Variants in CUL5 observed in about 807,000 individuals in gnomAD.
CUL5 encodes cullin 5, also known as cullin-5.
In CUL5, 26 loss-of-function variants were observed where a neutral mutation model predicts 108.8. The ratio of observed to expected loss-of-function variants is 0.24; its 90% CI spans 0.18 to 0.33. The LOEUF (loss-of-function observed/expected upper bound fraction) is 0.33. Among genes scored for constraint, CUL5 ranks in the 10% least tolerant of loss-of-function variants. CUL5 has a pLI of 1.00. For synonymous variants in CUL5, 334 were observed against 298.0 expected, an observed-to-expected ratio of 1.12 and a Z score of -1.25; for missense variants, 524 against 909.2, an observed-to-expected ratio of 0.58 and a Z score of 5.45.
intron 1 of CUL5, among the ~76,000 whole-genome samples, chr11:108,033,359 C>G (rs943400480): frequency 6.6e-6 from 1 of 152,102 alleles, no homozygotes; most frequent in African/African-American, 2.4e-5. Context: ...CCCCTGTGAC[C>G]CCAAACCCGT....
At position 108,094,918 on chromosome 11, in the gene CUL5, A is replaced by C. The variant is rs763820552; in HGVS notation, c.1674A>C (p.Val558=). The change falls in exon 15 of 19, where the codon GTA becomes GTC. Residue 558 remains valine, a synonymous_variant. Coordinates refer to ENST00000393094, the MANE Select transcript of CUL5 (RefSeq NM_003478.6). ...PTELEDLIPE[V]EEFYKKNHSG... ...AACTGGAGGACTTGATACCGGAAGT[A>C]GAAGAATTCTACAAAAAAAATCATA... is the stretch of plus-strand genomic sequence containing the variant. The C allele has an allele frequency of 2.1e-5, 34 of 1,613,432 alleles. No individual in the cohort carries two copies. The South Asian group carries it at 3.5e-4, about 17-fold the overall frequency.
At chr11:108,095,348 A>G (rs762795950) in intron 15 of CUL5, among the ~76,000 whole-genome samples, 182 bp from the exon 16 acceptor site, 1 of 152,202 alleles carries the variant, frequency 6.6e-6, no homozygotes, top group African/African-American at 2.4e-5. Context: ...ATTTTGTTAC[A>G]TGGAAAGCTG....
chr11:108,092,532 T>C (rs1350912542), intron 13 of CUL5, among the ~76,000 whole-genome samples: 1 of 152,196 alleles, frequency 6.6e-6, no homozygotes, highest in Non-Finnish European at 1.5e-5. Context: ...AATAAACTAA[T>C]AATACATGCT....
intron 1 of CUL5, among the ~76,000 whole-genome samples, chr11:108,021,502 A>G (rs1325530852): frequency 1.3e-5 from 2 of 152,076 alleles, no homozygotes. Context: ...TTCATTTTTT[A>G]GAGACAGGGT....
intron 4 of CUL5, among the ~76,000 whole-genome samples, chr11:108,051,695 A>G (rs1207053142): frequency 6.6e-6 from 1 of 152,186 alleles, no homozygotes; most frequent in Admixed American, 6.5e-5. Flanking sequence ...ACCTTTTATA[A>G]GGTCCAGTAT....
In CUL5 at chr11:108,078,159, C is replaced by G; in HGVS notation, c.1114-17C>G. On this transcript the variant is annotated splice_polypyrimidine_tract_variant and intron_variant, in intron 10 of 18. Coordinates refer to ENST00000393094, the MANE Select transcript of CUL5 (RefSeq NM_003478.6). ...TTTCAATATTAAAAATATTTTATTC[C>G]AAATTATTTTTTGCAGGCGTATAAA... 3 of 1,409,548 alleles carry G rather than the reference C, an allele frequency of 2.1e-6. No individual in the cohort carries two copies. Among genetic ancestry groups the G allele is most frequent in the African/African-American group, 1.5e-5 (1 of 68,610 alleles). 87.3% of individuals were successfully genotyped at this position (1,409,548 alleles called of 1,614,324 possible). A position where few individuals can be genotyped will look rare whatever the true frequency, so the allele number is the denominator to read the frequency against.
intron 1 of CUL5, among the ~76,000 whole-genome samples, chr11:108,017,348 C>G (rs946516703): frequency 2.8e-5 from 4 of 143,038 alleles, no homozygotes; most frequent in African/African-American, 1.1e-4. Flanking sequence ...TGAGATCGCA[C>G]CACTGCACTC....
intron 7 of CUL5, among the ~76,000 whole-genome samples, chr11:108,069,794 C>T (rs1190000990): frequency 6.6e-6 from 1 of 152,202 alleles, no homozygotes; most frequent in Non-Finnish European, 1.5e-5. Flanking sequence ...AAAACAGGTT[C>T]TCTCCAGACA....
At chr11:108,013,234 CT>C (rs1040775612) in intron 1 of CUL5, among the ~76,000 whole-genome samples, 2 of 152,196 alleles carry the variant, frequency 1.3e-5, no homozygotes, top group African/African-American at 4.8e-5. Flanking sequence ...CTTCCCTCCC[CT>C]GTCCCCAATA....
At chr11:108,080,044 T>G (rs904206857) in intron 11 of CUL5, among the ~76,000 whole-genome samples, 1 of 152,126 alleles carries the variant, frequency 6.6e-6, no homozygotes, top group South Asian at 2.1e-4. Context: ...TTGGGATGTA[T>G]GTAGTAGTAT....
chr11:108,058,777 T>C (rs1365360561), intron 7 of CUL5, among the ~76,000 whole-genome samples: 1 of 152,140 alleles, frequency 6.6e-6, no homozygotes, highest in Non-Finnish European at 1.5e-5. Context: ...GTTTTATTTT[T>C]ACTTATAGGA....
intron 17 of CUL5, among the ~76,000 whole-genome samples, chr11:108,098,153 A>C (rs1042812636): frequency 1.3e-5 from 2 of 152,214 alleles, no homozygotes; most frequent in Non-Finnish European, 2.9e-5. Flanking sequence ...AGTCACTTTC[A>C]TGGCAATATA....
chr11:108,051,364 T>G (rs185194544), intron 4 of CUL5, among the ~76,000 whole-genome samples: 28 of 152,352 alleles, frequency 1.8e-4, no homozygotes, highest in African/African-American at 6.7e-4. Context: ...GATTCAAATC[T>G]CAGTGTTGCC....
chr11:108,059,167 C>T (rs1326124028), intron 7 of CUL5, among the ~76,000 whole-genome samples: 1 of 152,144 alleles, frequency 6.6e-6, no homozygotes, highest in Admixed American at 6.5e-5. Context: ...CGCATGCAAC[C>T]ACACCCAGCT....
intron 1 of CUL5, 57 bp from the exon 2 acceptor site, chr11:108,033,745 T>C: frequency 9.2e-7 from 1 of 1,085,256 alleles, no homozygotes; most frequent in Non-Finnish European, 1.4e-6. Context: ...AATTACAGGA[T>C]ACTTTTTATT....
chr11:108,024,363 C>G (rs1862405120), intron 1 of CUL5, among the ~76,000 whole-genome samples: 1 of 152,138 alleles, frequency 6.6e-6, no homozygotes, highest in African/African-American at 2.4e-5. Context: ...TTTGAACATG[C>G]AGTGAGCTAT....
chr11:108,048,993 A>C (rs933601529), intron 3 of CUL5, among the ~76,000 whole-genome samples: 1 of 152,072 alleles, frequency 6.6e-6, no homozygotes, highest in African/African-American at 2.4e-5. Flanking sequence ...AAAACTTGAG[A>C]TATAATTAAT....
At chr11:108,031,708 A>AC (rs1862587515) in intron 1 of CUL5, among the ~76,000 whole-genome samples, 1 of 152,164 alleles carries the variant, frequency 6.6e-6, no homozygotes, top group South Asian at 2.1e-4. Flanking sequence ...TCGTATAAAG[A>AC]CACATGCACA....
intron 7 of CUL5, among the ~76,000 whole-genome samples, chr11:108,067,063 A>C (rs1384236931): frequency 1.3e-5 from 2 of 152,210 alleles, no homozygotes; most frequent in African/African-American, 4.8e-5. Flanking sequence ...ACCTGGCCTC[A>C]AATTATAACT....
Sources: gnomAD v4.1 joint callset for allele counts (sites outside exome capture counted in the v4.1 genomes callset) on GRCh38, gnomAD v4.1.1 for gene constraint, MANE v1.5 for transcripts, NCBI Gene and HGNC (gene_info 2026-07-23, HGNC 2026-07-21) for gene names.